FBXL20: variants seen among roughly 807,000 people sequenced by gnomAD.
FBXL20 encodes F-box/LRR-repeat protein 20.
FBXL20 carries 11 observed loss-of-function variants against 64.0 expected under a neutral mutation model. The ratio of observed to expected loss-of-function variants is 0.17; its 90% confidence interval spans 0.11 to 0.28. FBXL20 has a LOEUF of 0.28. Among genes scored for constraint, FBXL20 ranks in the 10% least tolerant of loss-of-function variants. The pLI is 1.00. For synonymous variants in FBXL20, 184 were observed against 189.0 expected (o/e 0.97, Z 0.22); for missense variants, 303 against 526.2 (o/e 0.58, Z 4.15).
chr17:39,322,094 G>C (rs1338577121), intron 2 of FBXL20, among the ~76,000 whole-genome samples: 1 of 146,308 alleles, frequency 6.8e-6, no homozygotes, highest in Non-Finnish European at 1.5e-5. Flanking sequence ...GGAAGGCCAA[G>C]GCAGGAGGAT....
chr17:39,363,883 CTTTTTTTTTTTT>C (rs71147324), intron 1 of FBXL20, among the ~76,000 whole-genome samples: 3 of 48,670 alleles, frequency 6.2e-5, no homozygotes, highest in African/African-American at 2.7e-4. Context: ...TGAATCATAT[CTTTTTTTTTTTT>C]TTTTTTTTTT....
At chr17:39,363,810 C>CAAAAAAAAAAAAAAAAAAAAAAAAAAAA (rs71372113) in intron 1 of FBXL20, among the ~76,000 whole-genome samples, 1 of 26,674 alleles carries the variant, frequency 3.7e-5, no homozygotes, top group Non-Finnish European at 6.3e-5. Context: ...GACTTTATCT[C>CAAAAAAAAAAAAAAAAAAAAAAAAAAAA]AAAAAAAAAA....
In FBXL20 at chr17:39,401,551, G is replaced by C. The variant is rs1294992792; in HGVS notation, c.-149C>G. On this transcript the variant is annotated 5_prime_UTR_variant, in exon 1 of 15. Transcript: ENST00000264658. ...TGGGACGGGAACAAGAGACCTCTCG[G>C]CTCCGGCTAGGCCTCCACCACCTCC... is the stretch of plus-strand genomic sequence containing the variant. 1 of 1,428,740 alleles carries C rather than the reference G, an allele frequency of 7.0e-7. No homozygotes were observed. The highest frequency in any genetic ancestry group is 9.1e-7 in the Non-Finnish European group (1 of 1,101,748). The allele number at this position is 1,428,740 out of a possible 1,614,324, so 88.5% of individuals were successfully genotyped here.
intron 9 of FBXL20, among the ~76,000 whole-genome samples, chr17:39,275,359 G>A (rs12939229): frequency 0.041 from 6,269 of 152,014 alleles, 422 homozygotes; most frequent in African/African-American, 0.14. Flanking sequence ...ATAGAACTGG[G>A]ATCAGTATGG....
chr17:39,276,926 C>T (rs761533784), intron 9 of FBXL20, among the ~76,000 whole-genome samples: 36 of 151,934 alleles, frequency 2.4e-4, no homozygotes, highest in African/African-American at 5.6e-4. Flanking sequence ...CCCCAACTCC[C>T]GTAAACAAAA....
intron 1 of FBXL20, among the ~76,000 whole-genome samples, chr17:39,344,018 G>A (rs1002138376): frequency 6.6e-6 from 1 of 151,916 alleles, no homozygotes; most frequent in Non-Finnish European, 1.5e-5. Context: ...TCCCTGCCAC[G>A]GTGCCCAGCT....
chr17:39,365,458 G>A (rs1423486655), intron 1 of FBXL20, among the ~76,000 whole-genome samples: 2 of 152,042 alleles, frequency 1.3e-5, no homozygotes, highest in African/African-American at 4.8e-5. Context: ...GAAATCACTA[G>A]ATAAAAACAT....
chr17:39,328,575 A>G (rs1055926782), intron 2 of FBXL20, among the ~76,000 whole-genome samples: 2 of 152,228 alleles, frequency 1.3e-5, no homozygotes, highest in Admixed American at 1.3e-4. Flanking sequence ...TACGGATATA[A>G]ACACAAACAA....
At chr17:39,349,460 T>C (rs550649597) in intron 1 of FBXL20, among the ~76,000 whole-genome samples, 3 of 151,364 alleles carry the variant, frequency 2.0e-5, no homozygotes, top group South Asian at 4.2e-4. Context: ...AGGTGACTCA[T>C]GCCTATAATC....
rs970032443 is a variant in FBXL20, at chr17:39,337,886, G to A, written c.104+5294C>T. 9.3e-5 allele frequency among the ~76,000 whole-genome samples: 14 copies of A among 150,864 alleles called. No homozygotes were observed. The South Asian group carries it at 1.3e-3, about 14-fold the overall frequency. On this transcript the variant is annotated intron_variant, in intron 2 of 14. Transcript: ENST00000264658. Reference sequence around the variant, plus strand: ...GGGAGGAGGGGGTCAGGCCCCGCCCGGCCAGCCACCCTATCCGGGAGGGAG... The same window carrying A: ...GGGAGGAGGGGGTCAGGCCCCGCCCAGCCAGCCACCCTATCCGGGAGGGAG...
chr17:39,395,129 T>C (rs1297376349), intron 1 of FBXL20, among the ~76,000 whole-genome samples: 1 of 152,114 alleles, frequency 6.6e-6, no homozygotes, highest in Non-Finnish European at 1.5e-5. Context: ...ATTTTAAAAG[T>C]GTGACCACTT....
At chr17:39,340,943 A>C (rs2047576679) in intron 2 of FBXL20, among the ~76,000 whole-genome samples, 1 of 151,670 alleles carries the variant, frequency 6.6e-6, no homozygotes, top group Non-Finnish European at 1.5e-5. Context: ...TATCTAGTAT[A>C]ATGTCAAAGA....
Position 39,311,401 on chromosome 17 carries a change from C to T in FBXL20, c.105-7762G>A, listed in dbSNP as rs368526591. Among the ~76,000 whole-genome samples, 3 of 151,996 alleles carry T rather than the reference C, an allele frequency of 2.0e-5. No individual in the cohort carries two copies. In the East Asian group the frequency reaches 5.8e-4, roughly 29 times the overall value. The stretch of plus-strand genomic sequence containing the variant: ...TTCATCTCTTTGTTTCCAAGTCTTA[C>T]CTGGGTTCTCTATTAAGACTCTTTT... On this transcript the variant is annotated intron_variant, in intron 2 of 14. Coordinates refer to ENST00000264658, the MANE Select transcript of FBXL20 (RefSeq NM_032875.3).
rs544714699 is a variant in FBXL20 at position 39,268,728 on chromosome 17, C to T, written c.933+99G>A. 587 of 1,000,108 alleles carry T rather than the reference C, an allele frequency of 5.9e-4. 1 individual carries two copies. Among genetic ancestry groups the T allele is most frequent in the Non-Finnish European group, 8.5e-4 (552 of 651,918 alleles). The allele number at this position is 1,000,108 out of a possible 1,614,324, so 62.0% of individuals were successfully genotyped here. A position where few individuals can be genotyped will look rare whatever the true frequency, so the allele number is the denominator to read the frequency against. ...GAATCTGCAATGCTGTCAGGCACTA[C>T]AGTATCCTACACTAGGGTAGGGAAT... is the stretch of plus-strand genomic sequence containing the variant. On this transcript the variant is annotated intron_variant, in intron 12 of 14. Coordinates refer to ENST00000264658, the MANE Select transcript of FBXL20 (RefSeq NM_032875.3).
At chr17:39,392,819 C>A (rs1262974602) in intron 1 of FBXL20, among the ~76,000 whole-genome samples, 1 of 152,008 alleles carries the variant, frequency 6.6e-6, no homozygotes, top group Non-Finnish European at 1.5e-5. Context: ...TCGAGACCAG[C>A]CTGACCAACA....
intron 1 of FBXL20, among the ~76,000 whole-genome samples, chr17:39,390,352 T>C (rs993401064): frequency 6.6e-6 from 1 of 151,508 alleles, no homozygotes; most frequent in Non-Finnish European, 1.5e-5. Flanking sequence ...CCTGGGGTCA[T>C]GAGTTCAAGA....
At chr17:39,401,969 T>A, upstream of FBXL20, 1 of 450,354 alleles carries the variant, frequency 2.2e-6, no homozygotes, top group Non-Finnish European at 3.6e-6. Flanking sequence ...CGAGGGAGAG[T>A]AGAGCAGTAC....
intron 2 of FBXL20, among the ~76,000 whole-genome samples, chr17:39,314,090 T>A (rs898341276): frequency 2.0e-5 from 3 of 152,156 alleles, no homozygotes; most frequent in Non-Finnish European, 2.9e-5. Context: ...TCACTCTCTA[T>A]CCCTTCCTCA....
intron 3 of FBXL20, among the ~76,000 whole-genome samples, 197 bp from the exon 4 acceptor site, chr17:39,301,272 G>A (rs1044024769): frequency 6.6e-6 from 1 of 151,996 alleles, no homozygotes; most frequent in Non-Finnish European, 1.5e-5. Context: ...TCTCATAAAC[G>A]AGTGGGTACT....
Sources: gnomAD v4.1 joint callset for allele counts (sites outside exome capture counted in the v4.1 genomes callset) on GRCh38, gnomAD v4.1.1 for gene constraint, MANE v1.5 for transcripts, NCBI Gene and HGNC (gene_info 2026-07-23, HGNC 2026-07-21) for gene names.